The following ERC2 variants were observed in gnomAD, a reference collection of about 807,000 sequenced individuals.
The protein encoded by ERC2 is ERC protein 2.
ERC2 carries 42 observed loss-of-function variants against 114.8 expected under a neutral mutation model. That is an observed-to-expected ratio of 0.37 (90% confidence interval 0.29 to 0.47). The LOEUF is 0.47. Ranked by LOEUF, ERC2 falls within the 20% of genes least tolerant of loss-of-function variation. ERC2 has a pLI of 0.99. For missense variants in ERC2, 939 were observed against 1,150.7 expected, an observed-to-expected ratio of 0.82 and a Z score of 2.66; for synonymous variants, 454 against 425.5, an observed-to-expected ratio of 1.07 and a Z score of -0.82.
intron 4 of ERC2, among the ~76,000 whole-genome samples, chr3:56,163,800 A>C (rs2082182525): frequency 6.6e-6 from 1 of 151,996 alleles, no homozygotes; most frequent in South Asian, 2.1e-4. Context: ...CAGACAGATA[A>C]ATCTTGTCTT....
intron 2 of ERC2, among the ~76,000 whole-genome samples, chr3:56,385,907 T>C (rs925930334): frequency 6.6e-6 from 1 of 152,154 alleles, no homozygotes; most frequent in Non-Finnish European, 1.5e-5. Flanking sequence ...ATGGCCTGAA[T>C]TGCAGAGTAG....
chr3:55,551,512 G>A (rs536712775), intron 17 of ERC2, among the ~76,000 whole-genome samples: 6 of 152,098 alleles, frequency 3.9e-5, no homozygotes, highest in Non-Finnish European at 7.4e-5. Flanking sequence ...GACAGAGTGC[G>A]ATTCCGTCTC....
At chr3:55,748,724 C>T (rs2066470234) in intron 14 of ERC2, among the ~76,000 whole-genome samples, 1 of 152,164 alleles carries the variant, frequency 6.6e-6, no homozygotes, top group African/African-American at 2.4e-5. Context: ...TCCCTCCCAG[C>T]CCATCCTCTT....
intron 14 of ERC2, among the ~76,000 whole-genome samples, chr3:55,834,387 G>T (rs1468043162): frequency 6.6e-6 from 1 of 152,072 alleles, no homozygotes. Flanking sequence ...AAATGTAAAA[G>T]AACAGAAGTT....
intron 15 of ERC2, among the ~76,000 whole-genome samples, chr3:55,720,199 CTT>C (rs1559547373): frequency 9.2e-5 from 1 of 10,852 alleles, no homozygotes; most frequent in Non-Finnish European, 1.7e-4. Context: ...TCTTCTTCTT[CTT>C]CTTCTTCTTC....
At chr3:56,171,660 A>C (rs1250683686) in intron 4 of ERC2, among the ~76,000 whole-genome samples, 2 of 151,778 alleles carry the variant, frequency 1.3e-5, no homozygotes, top group African/African-American at 4.9e-5. Flanking sequence ...TTTATTTATA[A>C]ATTTTTTTAT....
chr3:55,699,112 C>A (rs1195271203), intron 16 of ERC2, among the ~76,000 whole-genome samples: 1 of 151,854 alleles, frequency 6.6e-6, no homozygotes, highest in Non-Finnish European at 1.5e-5. Context: ...ACCGAGCCAG[C>A]AATAGACTAC....
intron 17 of ERC2, among the ~76,000 whole-genome samples, chr3:55,665,271 G>A (rs1246873854): frequency 6.6e-6 from 1 of 152,170 alleles, no homozygotes; most frequent in African/African-American, 2.4e-5. Flanking sequence ...AAGCTACTCA[G>A]ATCTCAGCCA....
chr3:56,035,993 T>C (rs2074772300), intron 7 of ERC2, among the ~76,000 whole-genome samples: 1 of 152,030 alleles, frequency 6.6e-6, no homozygotes. Flanking sequence ...CTCAACAACA[T>C]ATCAAAAGAG....
chr3:56,150,071 C>G (rs191243056), intron 4 of ERC2, among the ~76,000 whole-genome samples: 2 of 152,260 alleles, frequency 1.3e-5, no homozygotes, highest in Admixed American at 1.3e-4. Flanking sequence ...TTCAAGTTTT[C>G]TCAGTGTCCC....
intron 2 of ERC2, among the ~76,000 whole-genome samples, chr3:56,379,176 T>C (rs1378487206): frequency 2.6e-5 from 4 of 152,154 alleles, no homozygotes; most frequent in Non-Finnish European, 5.9e-5. Flanking sequence ...TAGCTACAGG[T>C]GGCTACTGAG....
At chr3:55,941,166 G>T (rs999371604) in intron 13 of ERC2, among the ~76,000 whole-genome samples, 4 of 152,138 alleles carry the variant, frequency 2.6e-5, no homozygotes, top group African/African-American at 4.8e-5. Context: ...TTTAATGGCT[G>T]CTAATATTGA....
At chr3:56,224,469 G>A (rs1013919396) in intron 3 of ERC2, among the ~76,000 whole-genome samples, 3 of 152,048 alleles carry the variant, frequency 2.0e-5, no homozygotes, top group Non-Finnish European at 4.4e-5. Flanking sequence ...AGATGGCGGG[G>A]GTAAAAGGAA....
At chr3:55,954,081 TAAAAAAAAAAAAAA>T (rs58512381) in intron 12 of ERC2, among the ~76,000 whole-genome samples, 38 of 50,360 alleles carry the variant, frequency 7.5e-4, no homozygotes, top group African/African-American at 1.8e-3. Context: ...CTCCATTATT[TAAAAAAAAAAAAAA>T]AAAAAAAAAA....
At chr3:55,862,678 C>T (rs188065790) in intron 14 of ERC2, among the ~76,000 whole-genome samples, 7 of 152,346 alleles carry the variant, frequency 4.6e-5, no homozygotes, top group Non-Finnish European at 8.8e-5. Context: ...GATCTCTGGA[C>T]ACTTTGCAGA....
intron 17 of ERC2, among the ~76,000 whole-genome samples, chr3:55,621,844 C>T (rs1347479070): frequency 6.6e-6 from 1 of 152,050 alleles, no homozygotes; most frequent in Non-Finnish European, 1.5e-5. Context: ...ACATGGGATA[C>T]GTGGAAAATG....
chr3:55,900,608 G>T (rs2064080526), intron 13 of ERC2, among the ~76,000 whole-genome samples: 1 of 152,182 alleles, frequency 6.6e-6, no homozygotes, highest in Admixed American at 6.5e-5. Flanking sequence ...AATCAAGCCT[G>T]ACTCCAAGCC....
intron 2 of ERC2, among the ~76,000 whole-genome samples, chr3:56,371,593 G>A (rs1324940436): frequency 2.0e-5 from 3 of 152,128 alleles, no homozygotes; most frequent in African/African-American, 4.8e-5. Context: ...AAAATGGCAG[G>A]GCCTTGTGCA....
chr3:55,605,863 G>C (rs900571529), intron 17 of ERC2, among the ~76,000 whole-genome samples: 5 of 152,200 alleles, frequency 3.3e-5, no homozygotes, highest in African/African-American at 1.2e-4. Context: ...AAAGCAAGTA[G>C]ATTCAAACTC....
Sources: gnomAD v4.1 joint callset for allele counts (sites outside exome capture counted in the v4.1 genomes callset) on GRCh38, gnomAD v4.1.1 for gene constraint, MANE v1.5 for transcripts, NCBI Gene and HGNC (gene_info 2026-07-23, HGNC 2026-07-21) for gene names.